Variants in CSMD1 observed in about 807,000 individuals in gnomAD.
CSMD1 encodes the protein CUB and sushi domain-containing protein 1.
A neutral mutation model predicts 417.5 loss-of-function variants in CSMD1; 213 were observed. That is an observed-to-expected ratio of 0.51 (90% confidence interval 0.46 to 0.57). The LOEUF (loss-of-function observed/expected upper bound fraction) is 0.57. CSMD1 is among the 20% of genes least tolerant of loss of function. The pLI is 0.00. For missense variants in CSMD1, 6,923 were observed against 4,529.7 expected (o/e 1.53, Z -15.17); for synonymous variants, 2,862 against 1,736.8 (o/e 1.65, Z -16.11).
intron 1 of CSMD1, among the ~76,000 whole-genome samples, chr8:4,864,632 G>T (rs889155633): frequency 6.6e-6 from 1 of 151,264 alleles, no homozygotes; most frequent in Non-Finnish European, 1.5e-5. Flanking sequence ...TTTTAAAATT[G>T]TATTCAATGA....
intron 26 of CSMD1, among the ~76,000 whole-genome samples, chr8:3,260,737 C>G (rs2117087476): frequency 6.6e-6 from 1 of 152,242 alleles, no homozygotes; most frequent in East Asian, 1.9e-4. Context: ...AAGAGTTAGG[C>G]AAGGGGCTCT....
chr8:4,297,755 G>C (rs1044273121), intron 3 of CSMD1, among the ~76,000 whole-genome samples: 1 of 152,058 alleles, frequency 6.6e-6, no homozygotes, highest in African/African-American at 2.4e-5. Flanking sequence ...TAACGATTAA[G>C]AACCAACATC....
At chr8:4,359,734 G>T (rs182901949) in intron 3 of CSMD1, among the ~76,000 whole-genome samples, 1 of 152,170 alleles carries the variant, frequency 6.6e-6, no homozygotes, top group Non-Finnish European at 1.5e-5. Flanking sequence ...CTGTGGCCTG[G>T]CCCACTTCTA....
intron 2 of CSMD1, among the ~76,000 whole-genome samples, chr8:4,475,818 G>T (rs542715856): frequency 6.6e-5 from 10 of 152,068 alleles, no homozygotes; most frequent in African/African-American, 2.4e-4. Context: ...TCATTATGTT[G>T]ACCAGGCTGG....
At chr8:3,342,783 T>G (rs1807744426) in intron 23 of CSMD1, among the ~76,000 whole-genome samples, 1 of 152,190 alleles carries the variant, frequency 6.6e-6, no homozygotes, top group Admixed American at 6.5e-5. Flanking sequence ...TTCCTCTTAG[T>G]TCTCTCGTCT....
At chr8:3,146,437 G>A (rs1297078935) in intron 40 of CSMD1, among the ~76,000 whole-genome samples, 1 of 151,880 alleles carries the variant, frequency 6.6e-6, no homozygotes, top group Non-Finnish European at 1.5e-5. Flanking sequence ...CCTATTTCAT[G>A]CATTTACAAT....
chr8:2,944,245 T>C (rs1802070556), intron 68 of CSMD1, among the ~76,000 whole-genome samples: 1 of 152,154 alleles, frequency 6.6e-6, no homozygotes. Flanking sequence ...AGGCACTGTA[T>C]TGGAAGCGAG....
chr8:4,852,638 G>C (rs1192954628), intron 1 of CSMD1, among the ~76,000 whole-genome samples: 1 of 152,176 alleles, frequency 6.6e-6, no homozygotes, highest in African/African-American at 2.4e-5. Context: ...AAGTGGCTTT[G>C]GAACTAGGTA....
chr8:3,834,688 G>C lies in CSMD1; in HGVS notation c.819-80646C>G, dbSNP rs183568567. On this transcript the variant is annotated intron_variant, in intron 5 of 69. Transcript: ENST00000635120. ...GGTTTAGGGATCCACAGAACGTGTA[G>C]TTGGTGTCAAAAGTCTTGGGCAGAT... Among the ~76,000 whole-genome samples the C allele has an allele frequency of 1.5e-4, 23 of 152,218 alleles. No individual in the cohort carries two copies. The East Asian group carries it at 3.9e-3, about 26-fold the overall frequency.
intron 2 of CSMD1, among the ~76,000 whole-genome samples, chr8:4,540,888 C>T (rs1411774556): frequency 6.6e-6 from 1 of 152,174 alleles, no homozygotes; most frequent in East Asian, 1.9e-4. Context: ...CTCCGCCACT[C>T]TGCTAGTCTG....
chr8:3,603,783 A>C (rs1801475652), intron 8 of CSMD1, among the ~76,000 whole-genome samples: 1 of 152,228 alleles, frequency 6.6e-6, no homozygotes, highest in South Asian at 2.1e-4. Flanking sequence ...TTAGTAAACT[A>C]AATTTTTTAG....
chr8:3,574,888 T>G lies in CSMD1; in HGVS notation c.1344+57A>C, dbSNP rs1027201748. 41 of 1,559,190 alleles carry G rather than the reference T, an allele frequency of 2.6e-5. No homozygotes were observed. In the African/African-American group the frequency reaches 5.2e-4, roughly 20 times the overall value. ...TTTGCTGGGCTGTTTGCTTCAACAA[T>G]AGATCCTATAAGAGTGCTGTGTGCA... On this transcript the variant is annotated intron_variant, in intron 10 of 69. Coordinates refer to ENST00000635120, the MANE Select transcript of CSMD1 (RefSeq NM_033225.6).
chr8:4,073,181 C>A (rs1799647703), intron 3 of CSMD1, among the ~76,000 whole-genome samples: 1 of 151,992 alleles, frequency 6.6e-6, no homozygotes, highest in Non-Finnish European at 1.5e-5. Flanking sequence ...CGAGATGAAG[C>A]ACTTCAAAGA....
At chr8:3,917,191 A>T (rs1331587282) in intron 5 of CSMD1, among the ~76,000 whole-genome samples, 1 of 152,190 alleles carries the variant, frequency 6.6e-6, no homozygotes, top group Admixed American at 6.5e-5. Flanking sequence ...TGGAGCGCTT[A>T]ATCTCAGCTA....
At chr8:3,715,946 G>T (rs986939073) in intron 6 of CSMD1, among the ~76,000 whole-genome samples, 1 of 152,140 alleles carries the variant, frequency 6.6e-6, no homozygotes, top group Admixed American at 6.5e-5. Context: ...TGGACATGAT[G>T]GAGGAAACCC....
At chr8:4,555,047 C>A (rs1159637995) in intron 2 of CSMD1, among the ~76,000 whole-genome samples, 3 of 152,164 alleles carry the variant, frequency 2.0e-5, no homozygotes, top group Non-Finnish European at 4.4e-5. Context: ...TAGGAGCCAG[C>A]CCACGCAATT....
intron 2 of CSMD1, among the ~76,000 whole-genome samples, chr8:4,427,825 C>G (rs1402158800): frequency 6.6e-6 from 1 of 152,044 alleles, no homozygotes; most frequent in African/African-American, 2.4e-5. Context: ...CATGTTTAAC[C>G]TATTGAATAA....
At position 3,387,588 on chromosome 8, in the gene CSMD1, A is replaced by T. The variant is rs1811086683; in HGVS notation, c.2688T>A (p.Thr896=). Residue 896 remains threonine, a synonymous_variant, in exon 18 of 70, where the codon ACT becomes ACA. Transcript: ENST00000635120. The part of the protein sequence containing the change: ...GGDFGIRSTV[T]FSCDPGYTLS... ...GTGTGTACCCCGGGTCACAGCTGAAAGTCACTGTGGACCTGATGCCAAAGT... is the reference window on the plus strand; with the variant it reads ...GTGTGTACCCCGGGTCACAGCTGAATGTCACTGTGGACCTGATGCCAAAGT... 1.2e-6 allele frequency: 2 copies of T among 1,601,188 alleles called. No individual in the cohort carries two copies. The highest frequency in any genetic ancestry group is 1.7e-6 in the Non-Finnish European group (2 of 1,173,812).
At chr8:4,635,912 T>C (rs1352187398) in intron 2 of CSMD1, among the ~76,000 whole-genome samples, 1 of 151,890 alleles carries the variant, frequency 6.6e-6, no homozygotes, top group African/African-American at 2.4e-5. Context: ...GTAAACATGC[T>C]ACTAAAAACA....
Sources: allele counts gnomAD v4.1 joint callset (sites outside exome capture counted in the v4.1 genomes callset), GRCh38; gene constraint gnomAD v4.1.1; transcripts MANE v1.5; gene names NCBI Gene and HGNC (gene_info 2026-07-23, HGNC 2026-07-21).